Variants in CSNK1G1 observed in about 807,000 individuals in gnomAD.
CSNK1G1 encodes the protein casein kinase I isoform gamma-1.
Under a neutral mutation model 59.6 loss-of-function variants are expected in CSNK1G1, and 22 were observed. That is an observed-to-expected ratio of 0.37 (90% CI 0.26 to 0.53). The LOEUF is 0.53. Ranked by LOEUF, CSNK1G1 falls within the 20% of genes least tolerant of loss-of-function variation. The pLI is 0.89. For synonymous variants in CSNK1G1, 179 were observed against 177.1 expected (o/e 1.01, Z -0.08); for missense variants, 384 against 519.5 (o/e 0.74, Z 2.54).
intron 2 of CSNK1G1, among the ~76,000 whole-genome samples, chr15:64,273,619 C>T (rs529976347): frequency 4.0e-5 from 6 of 151,250 alleles, no homozygotes; most frequent in African/African-American, 1.5e-4. Context: ...ATAAGGAAAA[C>T]GGAAGGGTCT....
intron 2 of CSNK1G1, among the ~76,000 whole-genome samples, chr15:64,286,052 A>G (rs1172278855): frequency 6.6e-6 from 1 of 151,838 alleles, no homozygotes; most frequent in Non-Finnish European, 1.5e-5. Flanking sequence ...GGTTCTTTAC[A>G]TTTTCTTGTG....
In CSNK1G1 at chr15:64,210,549, T is replaced by C. The variant is rs778882458; in HGVS notation, c.680-2955A>G. Among the ~76,000 whole-genome samples, 32 of 152,212 alleles carry C rather than the reference T, an allele frequency of 2.1e-4. No homozygotes were observed. The highest frequency in any genetic ancestry group is 9.2e-4 in the Admixed American group (14 of 15,280). On this transcript the variant is annotated intron_variant, in intron 6 of 11. Transcript: ENST00000303052. This position sits in a 1 kb window ranked among gnomAD's most constrained non-coding sequence, Gnocchi z 4.2. ...AAAATTCTTCAATTCTTCTGATTGG[T>C]TGAAAGGTGTGCTTTCATCCAATCA... is the stretch of plus-strand genomic sequence containing the variant.
intron 1 of CSNK1G1, chr15:64,316,816 T>G (rs1267218558): frequency 6.6e-6 from 1 of 152,130 alleles, no homozygotes; most frequent in African/African-American, 2.4e-5. Flanking sequence ...CCTGTTCTGT[T>G]CCATTCTGAA....
chr15:64,318,165 CAT>C (rs142637857), intron 1 of CSNK1G1, among the ~76,000 whole-genome samples: 92 of 150,840 alleles, frequency 6.1e-4, no homozygotes, highest in South Asian at 1.0e-3. Flanking sequence ...AAAAATTAAT[CAT>C]ATATATATAT....
intron 2 of CSNK1G1, among the ~76,000 whole-genome samples, chr15:64,295,819 C>T (rs1316329928): frequency 6.6e-6 from 1 of 152,142 alleles, no homozygotes; most frequent in East Asian, 1.9e-4. Context: ...ATGATTCGAC[C>T]CCATTGCCTA....
intron 10 of CSNK1G1, among the ~76,000 whole-genome samples, chr15:64,186,572 C>T (rs894201446): frequency 6.6e-6 from 1 of 152,072 alleles, no homozygotes; most frequent in Non-Finnish European, 1.5e-5. Context: ...TGCAGTGGTA[C>T]GATCATGGCT....
chr15:64,202,526 C>A (rs1437174428), intron 10 of CSNK1G1, among the ~76,000 whole-genome samples: 1 of 151,484 alleles, frequency 6.6e-6, no homozygotes. Flanking sequence ...CAACAGCCAA[C>A]AGACTCTGAC....
At chr15:64,344,530 G>T (rs543162478) in intron 1 of CSNK1G1, among the ~76,000 whole-genome samples, 1 of 152,102 alleles carries the variant, frequency 6.6e-6, no homozygotes, top group Non-Finnish European at 1.5e-5. Context: ...TATCTGGAAC[G>T]TGAAACATAA....
chr15:64,270,759 CAAA>C (rs746403335), intron 2 of CSNK1G1, among the ~76,000 whole-genome samples: 1 of 103,370 alleles, frequency 9.7e-6, no homozygotes. Context: ...GACTCCGTCT[CAAA>C]AAAAAAAAAA....
At chr15:64,329,279 A>T (rs368598249) in intron 1 of CSNK1G1, among the ~76,000 whole-genome samples, 1 of 151,746 alleles carries the variant, frequency 6.6e-6, no homozygotes, top group African/African-American at 2.4e-5. Context: ...TGGAAGTAAA[A>T]CTCTCCTCAG....
intron 10 of CSNK1G1, among the ~76,000 whole-genome samples, chr15:64,191,208 C>T (rs1157422123): frequency 6.6e-6 from 1 of 152,090 alleles, no homozygotes; most frequent in Admixed American, 6.6e-5. Flanking sequence ...ACTACGGACG[C>T]GCGCCACCAG....
At chr15:64,344,267 C>T (rs1897827607) in intron 1 of CSNK1G1, among the ~76,000 whole-genome samples, 1 of 152,112 alleles carries the variant, frequency 6.6e-6, no homozygotes, top group Non-Finnish European at 1.5e-5. Flanking sequence ...AGATGTGCAT[C>T]CTTCAAGCCC....
At chr15:64,278,464 T>C (rs1199496197) in intron 2 of CSNK1G1, among the ~76,000 whole-genome samples, 1 of 149,968 alleles carries the variant, frequency 6.7e-6, no homozygotes, top group Non-Finnish European at 1.5e-5. Flanking sequence ...AGTCTCATTC[T>C]GTCACCCAGG....
intron 2 of CSNK1G1, among the ~76,000 whole-genome samples, chr15:64,286,616 G>A (rs555873453): frequency 2.6e-5 from 4 of 152,152 alleles, no homozygotes; most frequent in African/African-American, 9.6e-5. Context: ...CAGGGTCCAT[G>A]TCTTATTTAT....
intron 1 of CSNK1G1, 123 bp from the exon 2 acceptor site, chr15:64,300,846 TTTTGG>T (rs1334100468): frequency 5.5e-6 from 3 of 543,982 alleles, no homozygotes; most frequent in African/African-American, 2.0e-5. Flanking sequence ...CTGAAATGGG[TTTTGG>T]TTTTCTATCC....
intron 2 of CSNK1G1, among the ~76,000 whole-genome samples, chr15:64,265,326 A>G (rs567629968): frequency 2.6e-5 from 4 of 152,330 alleles, no homozygotes; most frequent in East Asian, 1.9e-4. Flanking sequence ...CATAGCTCCC[A>G]TAAGTCCCAT....
chr15:64,332,589 G>T (rs1897166490), intron 1 of CSNK1G1, among the ~76,000 whole-genome samples: 1 of 147,760 alleles, frequency 6.8e-6, no homozygotes, highest in Admixed American at 6.8e-5. Context: ...ACGAGTTAGT[G>T]GGTGCAGCGC....
At chr15:64,265,501 C>T (rs1156239106) in intron 2 of CSNK1G1, among the ~76,000 whole-genome samples, 1 of 152,136 alleles carries the variant, frequency 6.6e-6, no homozygotes, top group Non-Finnish European at 1.5e-5. Context: ...TGTGACTTTG[C>T]TCCTCCTTTG....
intron 10 of CSNK1G1, among the ~76,000 whole-genome samples, chr15:64,199,351 T>C (rs1015636965): frequency 4.6e-5 from 7 of 151,650 alleles, no homozygotes; most frequent in Admixed American, 3.3e-4. Flanking sequence ...ATAAGCATAG[T>C]AGTTAAATAC....
Sources: gnomAD v4.1 joint callset for allele counts (sites outside exome capture counted in the v4.1 genomes callset) on GRCh38, gnomAD v4.1.1 for gene constraint, Gnocchi (gnomAD v3.1) non-coding constraint, MANE v1.5 for transcripts, NCBI Gene and HGNC (gene_info 2026-07-23, HGNC 2026-07-21) for gene names.